TMTC2: variants seen among roughly 807,000 people sequenced by gnomAD.
The protein encoded by TMTC2 is protein O-mannosyl-transferase TMTC2.
Under a neutral mutation model 82.4 loss-of-function variants are expected in TMTC2, and 43 were observed. The ratio of observed to expected loss-of-function variants is 0.52; its 90% CI spans 0.41 to 0.67. The LOEUF (loss-of-function observed/expected upper bound fraction) is 0.67, where lower values mean the gene tolerates loss of function less well. Ranked by LOEUF, TMTC2 falls within the 30% of genes least tolerant of loss-of-function variation. TMTC2 has a pLI of 0.00. For synonymous variants in TMTC2, 408 were observed against 381.9 expected, an observed-to-expected ratio of 1.07 and a Z score of -0.80; for missense variants, 919 against 1,012.4, an observed-to-expected ratio of 0.91 and a Z score of 1.25.
intron 1 of TMTC2, among the ~76,000 whole-genome samples, chr12:82,807,792 T>C (rs1879311516): frequency 6.6e-6 from 1 of 152,014 alleles, no homozygotes; most frequent in Non-Finnish European, 1.5e-5. Flanking sequence ...GCCATCCTAA[T>C]AGATAGATTT....
rs554408468 is a variant in TMTC2 at position 83,045,353 on chromosome 12, A to G, written c.2153-5551A>G. Among the ~76,000 whole-genome samples, 86 of 152,298 alleles carry G rather than the reference A, an allele frequency of 5.6e-4. 1 individual carries two copies. Among genetic ancestry groups the G allele is most frequent in the African/African-American group, 2.1e-3 (86 of 41,564 alleles). On this transcript the variant is annotated intron_variant, in intron 9 of 11. Transcript: ENST00000321196. ...CTTGGGTAAGACAAATTACAACCAA[A>G]GAAATGAAGTGTAGTAGCAACAGTA...
At chr12:83,113,902 T>G (rs935930037) in intron 11 of TMTC2, among the ~76,000 whole-genome samples, 49 of 152,204 alleles carry the variant, frequency 3.2e-4, no homozygotes, top group African/African-American at 1.1e-3. Context: ...TACTTTCCAT[T>G]TGCTGTGTGC....
intron 4 of TMTC2, among the ~76,000 whole-genome samples, chr12:82,958,273 T>G (rs1444288776): frequency 6.7e-6 from 1 of 148,456 alleles, no homozygotes; most frequent in Non-Finnish European, 1.5e-5. Flanking sequence ...GAGAATCGCT[T>G]GAGCCTGGAA....
At chr12:83,004,799 C>T (rs1225936090) in intron 8 of TMTC2, among the ~76,000 whole-genome samples, 4 of 110,866 alleles carry the variant, frequency 3.6e-5, no homozygotes, top group Admixed American at 1.4e-4. Context: ...ATTCAAGTTC[C>T]AATCCAGTAG....
intron 1 of TMTC2, among the ~76,000 whole-genome samples, chr12:82,825,126 C>G (rs969501814): frequency 6.6e-6 from 1 of 151,580 alleles, no homozygotes; most frequent in African/African-American, 2.4e-5. Context: ...ACGAGCAGAT[C>G]AGAAGACACT....
chr12:82,806,875 G>A (rs559099636), intron 1 of TMTC2, among the ~76,000 whole-genome samples: 2 of 152,214 alleles, frequency 1.3e-5, no homozygotes, highest in South Asian at 2.1e-4. Flanking sequence ...GATCCACACT[G>A]TTAAAACGTT....
chr12:82,988,753 A>T (rs1879278980), intron 8 of TMTC2, among the ~76,000 whole-genome samples: 1 of 151,104 alleles, frequency 6.6e-6, no homozygotes, highest in South Asian at 2.1e-4. Flanking sequence ...TGATCCAGGG[A>T]AACTAAATCA....
Position 82,816,216 on chromosome 12 carries a change from A to G in TMTC2, c.84-40794A>G, listed in dbSNP as rs543468534. On this transcript the variant is annotated intron_variant, in intron 1 of 11. Coordinates refer to ENST00000321196, the MANE Select transcript of TMTC2 (RefSeq NM_152588.3). ...GGTTCCTATTTAGAGAATGCTCTAA[A>G]TAGTTCTCTAAATGTGTAGACCTCA... 4.0e-5 allele frequency among the ~76,000 whole-genome samples: 6 copies of G among 151,814 alleles called. No homozygotes were observed. In the South Asian group the frequency reaches 6.2e-4, roughly 16 times the overall value.
intron 7 of TMTC2, among the ~76,000 whole-genome samples, chr12:82,972,131 G>C (rs1277018958): frequency 6.6e-6 from 1 of 152,104 alleles, no homozygotes; most frequent in Non-Finnish European, 1.5e-5. Flanking sequence ...ATAATTTCCT[G>C]TTCTCTGAAA....
At chr12:82,900,955 A>G (rs1247221995) in intron 3 of TMTC2, among the ~76,000 whole-genome samples, 1 of 64,792 alleles carries the variant, frequency 1.5e-5, no homozygotes, top group African/African-American at 7.4e-5. Flanking sequence ...ATATATCTGG[A>G]ATATATATAT....
intron 11 of TMTC2, among the ~76,000 whole-genome samples, chr12:83,100,912 T>G (rs1393989557): frequency 6.6e-6 from 1 of 152,212 alleles, no homozygotes; most frequent in Non-Finnish European, 1.5e-5. Context: ...CAACACATCC[T>G]AAATGCTTCT....
intron 11 of TMTC2, among the ~76,000 whole-genome samples, chr12:83,075,536 C>A (rs929731972): frequency 1.3e-5 from 2 of 152,084 alleles, no homozygotes; most frequent in African/African-American, 4.8e-5. Flanking sequence ...TTATTAATTG[C>A]AACCAGATAT....
chr12:82,928,350 T>A (rs1198010729), intron 3 of TMTC2, among the ~76,000 whole-genome samples: 1 of 152,168 alleles, frequency 6.6e-6, no homozygotes, highest in East Asian at 1.9e-4. Context: ...TGCGTAATTA[T>A]TAGAAATTTC....
intron 2 of TMTC2, among the ~76,000 whole-genome samples, chr12:82,869,682 T>A (rs545209846): frequency 6.6e-6 from 1 of 151,586 alleles, no homozygotes; most frequent in African/African-American, 2.4e-5. Context: ...TTACAATAAA[T>A]ACAAAAATTA....
chr12:82,867,093 A>T (rs1355808145), intron 2 of TMTC2, among the ~76,000 whole-genome samples: 1 of 152,210 alleles, frequency 6.6e-6, no homozygotes, highest in Non-Finnish European at 1.5e-5. Flanking sequence ...TAGGAAGGTC[A>T]GTGTGCCCTT....
chr12:82,699,670 T>C (rs2136896681), intron 1 of TMTC2, among the ~76,000 whole-genome samples: 1 of 152,288 alleles, frequency 6.6e-6, no homozygotes, highest in South Asian at 2.1e-4. Context: ...AGGTGCAGGG[T>C]GGCAACGTGT....
chr12:82,887,529 C>A (rs1204563917), intron 2 of TMTC2, among the ~76,000 whole-genome samples: 1 of 152,096 alleles, frequency 6.6e-6, no homozygotes, highest in African/African-American at 2.4e-5. Flanking sequence ...TGATAAATTT[C>A]ACATTATTCA....
intron 11 of TMTC2, among the ~76,000 whole-genome samples, chr12:83,092,454 G>A (rs1883876312): frequency 6.6e-6 from 1 of 152,110 alleles, no homozygotes; most frequent in Admixed American, 6.5e-5. Flanking sequence ...TTCAGGTCAC[G>A]TTTCATTGGT....
At chr12:82,824,500 A>G (rs897048858) in intron 1 of TMTC2, among the ~76,000 whole-genome samples, 1 of 152,240 alleles carries the variant, frequency 6.6e-6, no homozygotes, top group Non-Finnish European at 1.5e-5. Flanking sequence ...AATGAAATGC[A>G]ATTTAGGCTG....
Sources: allele counts gnomAD v4.1 joint callset (sites outside exome capture counted in the v4.1 genomes callset), GRCh38; gene constraint gnomAD v4.1.1; transcripts MANE v1.5; gene names NCBI Gene and HGNC (gene_info 2026-07-23, HGNC 2026-07-21).